The following ZNF665 variants were observed in gnomAD, a reference collection of about 807,000 sequenced individuals.
The protein encoded by ZNF665 is zinc finger protein 665.
In ZNF665, 6 loss-of-function variants were observed where a neutral mutation model predicts 7.9. The ratio of observed to expected loss-of-function variants is 0.76; its 90% CI spans 0.42 to 1.50. ZNF665 has a LOEUF of 1.50. Ranked by LOEUF, ZNF665 falls within the 40% of genes most tolerant of loss-of-function variation. ZNF665 has a pLI of 0.01. For synonymous variants in ZNF665, 242 were observed against 274.5 expected (o/e 0.88, Z 1.17); for missense variants, 819 against 806.7 (o/e 1.02, Z -0.18).
At position 53,165,555 on chromosome 19, in the gene ZNF665, T is replaced by C. The variant is rs748227506; in HGVS notation, c.935A>G (p.His312Arg). Residue 312 changes from histidine to arginine, a missense_variant, in exon 4 of 4, where the codon CAT becomes CGT. Transcript: ENST00000396424. ...ACACTTGTAAGGCTTCTCCCCAGTA[T>C]GAATTCTTCGATGACTTGCAAGGTG... ...NSHLASHRRI[H>R]TGEKPYKCNE... is the part of the protein sequence containing the mutation. 6.8e-6 allele frequency: 11 copies of C among 1,614,082 alleles called. No individual in the cohort carries two copies. In the East Asian group the frequency reaches 2.2e-4, roughly 33 times the overall value.
At chr19:53,175,679 G>T in intron 2 of ZNF665, 108 bp from the exon 3 acceptor site, 1 of 1,235,742 alleles carries the variant, frequency 8.1e-7, no homozygotes, top group South Asian at 1.4e-5. Flanking sequence ...CACGTAAGCA[G>T]ACTGACACAT....
intron 3 of ZNF665, among the ~76,000 whole-genome samples, chr19:53,171,522 A>ATTTTTTT (rs1271373888): frequency 1.5e-4 from 11 of 75,424 alleles, no homozygotes; most frequent in African/African-American, 5.9e-4. Flanking sequence ...ATATATATAT[A>ATTTTTTT]TATTTTTTTT....
intron 3 of ZNF665, among the ~76,000 whole-genome samples, chr19:53,168,759 T>A (rs757341906): frequency 3.3e-5 from 5 of 152,130 alleles, no homozygotes; most frequent in Admixed American, 2.0e-4. Context: ...AATAGATCAA[T>A]GGAATGAAAT....
intron 1 of ZNF665, among the ~76,000 whole-genome samples, chr19:53,184,241 C>G (rs1044719505): frequency 3.3e-5 from 5 of 151,952 alleles, no homozygotes; most frequent in Admixed American, 6.6e-5. Context: ...CAGAGCGAGA[C>G]CCTGTCTCAA....
intron 3 of ZNF665, among the ~76,000 whole-genome samples, chr19:53,169,059 C>T (rs1163734283): frequency 6.6e-6 from 1 of 151,920 alleles, no homozygotes; most frequent in Admixed American, 6.6e-5. Context: ...AGATATGATA[C>T]CACAATCATG....
chr19:53,181,241 G>A (rs1392157002), intron 2 of ZNF665: 1 of 152,026 alleles, frequency 6.6e-6, no homozygotes, highest in Admixed American at 6.6e-5. Context: ...GCAAAATAGT[G>A]AGACCCCCAT....
At position 53,164,123 on chromosome 19, in the gene ZNF665, T is replaced by C. The variant is rs2090583782; in HGVS notation, c.*330A>G. 6.3e-6 allele frequency: 1 copy of C among 159,308 alleles called. No individual in the cohort carries two copies. The allele number at this position is 159,308 out of a possible 1,614,324, so 9.9% of individuals were successfully genotyped here. A position where few individuals can be genotyped will look rare whatever the true frequency, so the allele number is the denominator to read the frequency against. ...GGCTGAAAAACTGGCCGCACTCCTT[T>C]GTAAGGTTACTTTTTTTTTTTTTTT... is the stretch of plus-strand genomic sequence containing the variant. On this transcript the variant is annotated 3_prime_UTR_variant, in exon 4 of 4. Transcript: ENST00000396424.
In ZNF665 at chr19:53,165,344, G is replaced by C; in HGVS notation, c.1146C>G (p.Ala382=). Residue 382 remains alanine (A), a synonymous_variant, in exon 4 of 4, where the codon GCC becomes GCG. Transcript: ENST00000396424. ...KPYKCNECGK[A]FSMHSNLTKH... is the part of the protein sequence containing the mutation. ...TAGTTAAGTTTGAATGCATACTGAA[G>C]GCTTTCCCACACTCATTACACTTGT... 1 of 1,614,096 alleles carries C rather than the reference G, an allele frequency of 6.2e-7. No homozygotes were observed. The highest frequency in any genetic ancestry group is 8.5e-7 in the Non-Finnish European group (1 of 1,179,982).
Position 53,164,473 on chromosome 19 carries a change from G to A in ZNF665, c.2017C>T (p.Arg673Ter), listed in dbSNP as rs202219454. Residue 673 changes from arginine to a stop codon, truncating the protein, a stop_gained, in exon 4 of 4, where the codon CGA becomes TGA. Transcript: ENST00000396424. LOFTEE classifies it low-confidence loss of function (END_TRUNC). ...FTQNSNLAKH[R>*]RIHSG Reference sequence around the variant, plus strand: ...GGTTTCTATCCACTATGAATTCTTCGATGTTTTGCAAGGTTTGAATTTTGA... The same window carrying A: ...GGTTTCTATCCACTATGAATTCTTCAATGTTTTGCAAGGTTTGAATTTTGA... The A allele has an allele frequency of 1.4e-5, 23 of 1,596,782 alleles. No homozygotes were observed. Among genetic ancestry groups the A allele is most frequent in the East Asian group, 1.1e-4 (5 of 44,742 alleles).
rs371699537 is a variant in ZNF665 at position 53,165,583 on chromosome 19, A to C, written c.907T>G (p.Ser303Ala). Residue 303 changes from serine to alanine, a missense_variant, in exon 4 of 4, where the codon TCA becomes GCA. By Grantham distance (99) the Ser-to-Ala change is moderately conservative. Coordinates refer to ENST00000396424, the MANE Select transcript of ZNF665 (RefSeq NM_024733.5). ...ATTCTTCGATGACTTGCAAGGTGTG[A>C]ATTTTGAGTGAAGCACTTGCCACAT... ...KECGKCFTQN[S>A]HLASHRRIHT... 6.2e-7 allele frequency: 1 copy of C among 1,613,984 alleles called. No individual in the cohort carries two copies. The highest frequency in any genetic ancestry group is 1.3e-5 in the African/African-American group (1 of 74,894).
rs1458655656 is a variant in ZNF665 at position 53,164,809 on chromosome 19, G to A, written c.1681C>T (p.Gln561Ter). 1.2e-6 allele frequency: 2 copies of A among 1,614,012 alleles called. No homozygotes were observed. The highest frequency in any genetic ancestry group is 2.7e-5 in the African/African-American group (2 of 74,906). The change falls in exon 4 of 4, where the codon CAG becomes TAG. Residue 561 changes from glutamine (Q) to a stop codon, truncating the protein, a stop_gained. Transcript: ENST00000396424. LOFTEE classifies it low-confidence loss of function (END_TRUNC). ...FRHNSYLAIH[Q>*]RIHTGEKPYK... is the part of the protein sequence containing the mutation. ...GGTTTCTCACCAGTGTGAATTCTCTGATGAATTGCAAGGTACGAATTGTGT... is the reference window on the plus strand; with the variant it reads ...GGTTTCTCACCAGTGTGAATTCTCTAATGAATTGCAAGGTACGAATTGTGT...
intron 2 of ZNF665, among the ~76,000 whole-genome samples, chr19:53,177,772 C>T (rs966045501): frequency 2.0e-5 from 3 of 152,112 alleles, no homozygotes; most frequent in African/African-American, 4.8e-5. Context: ...GATTTAAGAA[C>T]AATGCCCATA....
chr19:53,174,390 TA>T (rs1445956546), intron 3 of ZNF665, among the ~76,000 whole-genome samples: 1 of 152,108 alleles, frequency 6.6e-6, no homozygotes, highest in Non-Finnish European at 1.5e-5. Flanking sequence ...TATTAAGTGG[TA>T]GGGAAAAAAA....
Position 53,165,933 on chromosome 19 carries a change from AC to A in ZNF665, c.556del (p.Val186SerfsTer8). ...TGTTAGCCGTGAGTTTTGACTGAAG[AC>A]CTTGCCACATTCATCACATTTATAA... ...KHYKCDECGK[V>X]FSQNSRLTSH... On this transcript the variant is annotated frameshift_variant, in exon 4 of 4. Transcript: ENST00000396424. LOFTEE classifies it low-confidence loss of function (END_TRUNC). The A allele has an allele frequency of 3.1e-6, 5 of 1,614,040 alleles. No homozygotes were observed. The highest frequency in any genetic ancestry group is 4.2e-6 in the Non-Finnish European group (5 of 1,179,990).
At position 53,165,752 on chromosome 19, in the gene ZNF665, A is replaced by C; in HGVS notation, c.738T>G (p.Pro246=). Residue 246 remains proline (P), a synonymous_variant, in exon 4 of 4, where the codon CCT becomes CCG. Coordinates refer to ENST00000396424, the MANE Select transcript of ZNF665 (RefSeq NM_024733.5). ...TTCTCTGATGACCTGCAAGGTTTGA[A>C]GGTTGACTGAAGACCTTTCCACATT... ...CNECGKVFSQ[P]SNLAGHQRIH... is the part of the protein sequence containing the mutation. The C allele has an allele frequency of 6.2e-7, 1 of 1,613,776 alleles. No individual in the cohort carries two copies. The highest frequency in any genetic ancestry group is 8.5e-7 in the Non-Finnish European group (1 of 1,179,962).
chr19:53,191,361 T>G (rs2146897676), intron 1 of ZNF665, among the ~76,000 whole-genome samples: 1 of 152,268 alleles, frequency 6.6e-6, no homozygotes, highest in East Asian at 1.9e-4. Context: ...TACCCCATCC[T>G]AGGAAAAGGA....
chr19:53,165,512 G>A lies in ZNF665; in HGVS notation c.978C>T (p.Ala326=), dbSNP rs765854071. The A allele has an allele frequency of 6.2e-7, 1 of 1,613,864 alleles. No homozygotes were observed. Among genetic ancestry groups the A allele is most frequent in the South Asian group, 1.1e-5 (1 of 91,060 alleles). Residue 326 remains alanine (A), a synonymous_variant, in exon 4 of 4, where the codon GCC becomes GCT. Coordinates refer to ENST00000396424, the MANE Select transcript of ZNF665 (RefSeq NM_024733.5). ...TAGTCAGGCTTGAGCGAACACTAAA[G>A]GCTTTGCCACACTCATTACACTTGT... ...KPYKCNECGK[A]FSVRSSLTTH...
Position 53,164,458 on chromosome 19 carries a change from C to A in ZNF665, c.2032G>T (p.Gly678Ter). Reference sequence around the variant, plus strand: ...CGGCGTCCTTTGTAAGGTTTCTATCCACTATGAATTCTTCGATGTTTTGCA... The same window carrying A: ...CGGCGTCCTTTGTAAGGTTTCTATCAACTATGAATTCTTCGATGTTTTGCA... ...NLAKHRRIHSG is the reference protein window; with the variant it reads ...NLAKHRRIHS The change falls in exon 4 of 4, where the codon GGA becomes TGA. Residue 678 changes from glycine to a stop codon, truncating the protein, a stop_gained. Transcript: ENST00000396424. LOFTEE classifies it high-confidence loss of function. 6.3e-7 allele frequency: 1 copy of A among 1,582,644 alleles called. No individual in the cohort carries two copies. Among genetic ancestry groups the A allele is most frequent in the South Asian group, 1.2e-5 (1 of 84,952 alleles).
Position 53,165,837 on chromosome 19 carries a change from C to T in ZNF665, c.653G>A (p.Arg218His), listed in dbSNP as rs761307195. ...CNKCGKAFTV[R>H]SNLTIHQVIH... ...GACCTGATGGATTGTTAGGTTTGAA[C>T]GAACAGTAAAGGCTTTGCCACACTT... The change falls in exon 4 of 4, where the codon CGT (arginine) becomes CAT (histidine). Residue 218 changes from arginine to histidine, a missense_variant. By Grantham distance (29) the Arg-to-His change is conservative. Transcript: ENST00000396424. 2.5e-5 allele frequency: 40 copies of T among 1,613,680 alleles called. No individual in the cohort carries two copies. Among genetic ancestry groups the T allele is most frequent in the Admixed American group, 1.0e-4 (6 of 59,968 alleles).
Sources: gnomAD v4.1 joint callset for allele counts (sites outside exome capture counted in the v4.1 genomes callset) on GRCh38, gnomAD v4.1.1 for gene constraint, MANE v1.5 for transcripts, NCBI Gene and HGNC (gene_info 2026-07-23, HGNC 2026-07-21) for gene names.